Variants in PRKN observed in about 807,000 individuals in gnomAD.
PRKN encodes parkin RBR E3 ubiquitin protein ligase, also known as E3 ubiquitin-protein ligase parkin.
In PRKN, 56 loss-of-function variants were observed where a neutral mutation model predicts 59.5. The observed-to-expected ratio is 0.94, with a 90% confidence interval of 0.76 to 1.18. The LOEUF (loss-of-function observed/expected upper bound fraction) is 1.18, where lower values mean the gene tolerates loss of function less well. Among genes scored for constraint, PRKN ranks in the 50% most tolerant of loss-of-function variants. The pLI is 0.00. For synonymous variants in PRKN, 250 were observed against 222.1 expected (o/e 1.13, Z -1.12); for missense variants, 657 against 596.4 (o/e 1.10, Z -1.06).
intron 2 of PRKN, among the ~76,000 whole-genome samples, chr6:162,395,773 A>G (rs149531714): frequency 7.0e-4 from 107 of 152,254 alleles, no homozygotes; most frequent in African/African-American, 2.5e-3. Context: ...TTTGAATTTC[A>G]AGGTGCATAT....
chr6:162,302,883 T>C (rs192923511), intron 2 of PRKN, among the ~76,000 whole-genome samples: 1 of 151,984 alleles, frequency 6.6e-6, no homozygotes, highest in Admixed American at 6.6e-5. Context: ...TAGTTCATTA[T>C]TTTGGTGCCC....
rs1421841956 is a variant in PRKN, at chr6:161,548,999, T to C, written c.938A>G (p.Asn313Ser). 2.5e-6 allele frequency: 4 copies of C among 1,614,060 alleles called. No homozygotes were observed. In the African/African-American group the frequency reaches 4.0e-5, roughly 16 times the overall value. ...HFRILGEEQYNRYQQYGAEEC... is the reference protein window; with the variant it reads ...HFRILGEEQYSRYQQYGAEEC... The stretch of plus-strand genomic sequence containing the variant: ...CTCTGCACCATACTGCTGGTACCGG[T>C]TGTACTGCAAAACCCAAAAAGCAGA... Residue 313 changes from asparagine (N) to serine (S), a missense_variant, in exon 9 of 12, where the codon AAC (asparagine) becomes AGC (serine). Asn to Ser is a conservative substitution (Grantham distance 46, BLOSUM62 1). Coordinates refer to ENST00000366898, the MANE Select transcript of PRKN (RefSeq NM_004562.3). The surrounding 1 kb of genome is among the most constrained non-coding windows in gnomAD (Gnocchi z 4.2).
intron 2 of PRKN, among the ~76,000 whole-genome samples, chr6:162,431,330 A>C (rs1789518577): frequency 6.6e-6 from 1 of 152,206 alleles, no homozygotes; most frequent in Non-Finnish European, 1.5e-5. Context: ...CAGAAACTTA[A>C]GGAGGGGCCA....
At chr6:162,625,931 GCTTT>G (rs754152662) in intron 1 of PRKN, among the ~76,000 whole-genome samples, 58 of 152,258 alleles carry the variant, frequency 3.8e-4, no homozygotes, top group African/African-American at 1.0e-3. Context: ...ACTTCAGTCT[GCTTT>G]CTTTAACAGA....
At chr6:162,556,253 C>T (rs1001892450) in intron 1 of PRKN, among the ~76,000 whole-genome samples, 11 of 151,608 alleles carry the variant, frequency 7.3e-5, no homozygotes, top group African/African-American at 2.4e-4. Flanking sequence ...AAGCTCTCTG[C>T]GAAATGTTTT....
intron 5 of PRKN, among the ~76,000 whole-genome samples, chr6:162,019,408 G>A (rs1372450023): frequency 6.6e-6 from 1 of 152,148 alleles, no homozygotes; most frequent in Admixed American, 6.5e-5. Context: ...TCCAACTCTG[G>A]CATGCCTCGG....
chr6:162,614,750 T>A (rs1057222236), intron 1 of PRKN, among the ~76,000 whole-genome samples: 2 of 152,154 alleles, frequency 1.3e-5, no homozygotes, highest in African/African-American at 2.4e-5. Flanking sequence ...GAACTCTAAT[T>A]GATGAAAACT....
chr6:162,717,836 A>G (rs776630368), intron 1 of PRKN, among the ~76,000 whole-genome samples: 18 of 152,214 alleles, frequency 1.2e-4, no homozygotes, highest in Non-Finnish European at 1.9e-4. Context: ...TTTATCTGAC[A>G]TAATTTGACA....
At chr6:162,567,308 T>C (rs368154789) in intron 1 of PRKN, among the ~76,000 whole-genome samples, 287 of 152,240 alleles carry the variant, frequency 1.9e-3, no homozygotes, top group African/African-American at 5.6e-3. Flanking sequence ...GGCATCCAAA[T>C]TGTAAAGGAA....
intron 1 of PRKN, among the ~76,000 whole-genome samples, chr6:162,574,563 T>C (rs1780481097): frequency 6.6e-6 from 1 of 152,156 alleles, no homozygotes; most frequent in Non-Finnish European, 1.5e-5. Context: ...TGCTACTTAT[T>C]TCAACGTGTA....
At chr6:161,999,547 T>C (rs9295180) in intron 5 of PRKN, among the ~76,000 whole-genome samples, 72,531 of 152,008 alleles carry the variant, frequency 0.48, 17,534 homozygotes, top group East Asian at 0.6. Flanking sequence ...TTTTGCATTT[T>C]CTATGTGCTA....
At chr6:162,010,246 T>C (rs141919449) in intron 5 of PRKN, among the ~76,000 whole-genome samples, 1,249 of 119,384 alleles carry the variant, frequency 0.01, 46 homozygotes, top group African/African-American at 0.035. Context: ...ATATATTTAT[T>C]ATACATAATA....
At chr6:161,774,127 C>A (rs952308015) in intron 7 of PRKN, among the ~76,000 whole-genome samples, 1 of 152,114 alleles carries the variant, frequency 6.6e-6, no homozygotes, top group African/African-American at 2.4e-5. Context: ...CTCTGCAACA[C>A]CATCAATTTT....
At chr6:162,279,198 G>A (rs1403142916) in intron 2 of PRKN, among the ~76,000 whole-genome samples, 1 of 151,542 alleles carries the variant, frequency 6.6e-6, no homozygotes, top group Non-Finnish European at 1.5e-5. Context: ...ATTAGCCAGG[G>A]GTGGTGGCAG....
intron 3 of PRKN, among the ~76,000 whole-genome samples, chr6:162,211,139 T>G (rs2023073): frequency 6.6e-6 from 1 of 151,962 alleles, no homozygotes; most frequent in African/African-American, 2.4e-5. Context: ...CGGTGGACTT[T>G]ACAAAATACT....
intron 2 of PRKN, among the ~76,000 whole-genome samples, chr6:162,297,471 T>C (rs1257917370): frequency 6.6e-6 from 1 of 152,156 alleles, no homozygotes; most frequent in East Asian, 1.9e-4. Flanking sequence ...GATTGGATTT[T>C]GAAAGAACTT....
rs1370451378 is a variant in PRKN, at chr6:161,363,618, A to G, written c.1168-3413T>C. Among the ~76,000 whole-genome samples, 3 of 152,220 alleles carry G rather than the reference A, an allele frequency of 2.0e-5. No homozygotes were observed. The highest frequency in any genetic ancestry group is 4.4e-5 in the Non-Finnish European group (3 of 68,046). Reference sequence around the variant, plus strand: ...AAGGAGATAACAAAGAGCATGAGAGAGAAACAGTGTTTGGAGAGAGTGGCA... The same window carrying G: ...AAGGAGATAACAAAGAGCATGAGAGGGAAACAGTGTTTGGAGAGAGTGGCA... On this transcript the variant is annotated intron_variant, in intron 10 of 11. Transcript: ENST00000366898. The surrounding 1 kb of genome is among the most constrained non-coding windows in gnomAD (Gnocchi z 4.1).
chr6:161,777,479 A>G (rs78311099), intron 7 of PRKN, among the ~76,000 whole-genome samples: 4,690 of 151,862 alleles, frequency 0.031, 243 homozygotes, highest in African/African-American at 0.11. Context: ...AAAGAGACAC[A>G]AAAAACTAGA....
intron 7 of PRKN, among the ~76,000 whole-genome samples, chr6:161,760,478 C>A (rs1326117051): frequency 6.6e-6 from 1 of 151,876 alleles, no homozygotes; most frequent in East Asian, 2.0e-4. Context: ...GGAGAAACTC[C>A]AACCAGCCTG....
Sources: gnomAD v4.1 joint callset for allele counts (sites outside exome capture counted in the v4.1 genomes callset) on GRCh38, gnomAD v4.1.1 for gene constraint, Gnocchi (gnomAD v3.1) non-coding constraint, MANE v1.5 for transcripts, NCBI Gene and HGNC (gene_info 2026-07-23, HGNC 2026-07-21) for gene names.